Variants in PTK2 observed in about 807,000 individuals in gnomAD.
PTK2 encodes the protein protein tyrosine kinase 2.
Under a neutral mutation model 150.1 loss-of-function variants are expected in PTK2, and 45 were observed. That is an observed-to-expected ratio of 0.30 (90% CI 0.24 to 0.38). The LOEUF (loss-of-function observed/expected upper bound fraction) is 0.38, where lower values mean the gene tolerates loss of function less well. PTK2 is among the 10% of genes least tolerant of loss of function. The pLI, the probability that PTK2 is intolerant of heterozygous loss-of-function variation, is 1.00. For missense variants in PTK2, 919 were observed against 1,307.3 expected (o/e 0.70, Z 4.58); for synonymous variants, 432 against 449.2 (o/e 0.96, Z 0.48).
chr8:140,753,834 A>G (rs1165649717), intron 16 of PTK2, among the ~76,000 whole-genome samples: 4 of 152,188 alleles, frequency 2.6e-5, no homozygotes, highest in African/African-American at 9.7e-5. Flanking sequence ...AAAAATCCCC[A>G]TTAGTATAGC....
chr8:140,961,106 C>T (rs897967295), intron 1 of PTK2, among the ~76,000 whole-genome samples: 1 of 152,176 alleles, frequency 6.6e-6, no homozygotes, highest in African/African-American at 2.4e-5. Flanking sequence ...AATTCCAGTC[C>T]TAGTTCTATC....
intron 27 of PTK2, among the ~76,000 whole-genome samples, chr8:140,685,193 G>A (rs181721635): frequency 7.8e-4 from 119 of 152,220 alleles, no homozygotes; most frequent in African/African-American, 2.1e-3. Flanking sequence ...CTAGCCATAC[G>A]CCAAAGAATA....
chr8:140,875,802 G>A (rs2100145136), intron 4 of PTK2, among the ~76,000 whole-genome samples: 1 of 152,152 alleles, frequency 6.6e-6, no homozygotes, highest in African/African-American at 2.4e-5. Context: ...AATGCCCAAG[G>A]CAGGTGTAGG....
At chr8:140,935,413 A>G (rs1163172785) in intron 1 of PTK2, among the ~76,000 whole-genome samples, 1 of 152,178 alleles carries the variant, frequency 6.6e-6, no homozygotes, top group Non-Finnish European at 1.5e-5. Flanking sequence ...CTTAGAGAGC[A>G]TAAATAACAC....
rs181541035 is a variant in PTK2 at position 140,812,749 on chromosome 8, C to G, written c.867+5528G>C. On this transcript the variant is annotated intron_variant, in intron 10 of 31. Transcript: ENST00000522684. ...GTTACAATCTTAATTTCAGACAAAA[C>G]AGACTTTAAACCAACTCAGTTAAAA... 1.8e-3 allele frequency among the ~76,000 whole-genome samples: 274 copies of G among 152,084 alleles called. 1 individual carries two copies. Among genetic ancestry groups the G allele is most frequent in the African/African-American group, 6.1e-3 (254 of 41,520 alleles).
intron 17 of PTK2, among the ~76,000 whole-genome samples, chr8:140,751,072 C>T (rs1439342450): frequency 1.3e-5 from 2 of 151,752 alleles, no homozygotes; most frequent in Non-Finnish European, 2.9e-5. Flanking sequence ...GAGACAGACA[C>T]TGCCTCAAAA....
At chr8:140,778,096 G>GA (rs34639032) in intron 14 of PTK2, among the ~76,000 whole-genome samples, 4 of 151,948 alleles carry the variant, frequency 2.6e-5, no homozygotes, top group Middle Eastern at 3.4e-3. Flanking sequence ...TGCACGTTGG[G>GA]AAAAAAAACT....
At chr8:140,701,000 C>A (rs370847963) in exon 26 of PTK2, 1 of 1,613,970 alleles carries the variant, frequency 6.2e-7, no homozygotes, top group Non-Finnish European at 8.5e-7. Flanking sequence ...CCCAATCCCT[C>A]GCAGGTCCAA....
At chr8:140,866,902 T>C (rs1214515504) in intron 4 of PTK2, among the ~76,000 whole-genome samples, 1 of 152,212 alleles carries the variant, frequency 6.6e-6, no homozygotes, top group Non-Finnish European at 1.5e-5. Context: ...TAGTCAATGA[T>C]GGACACTCTG....
chr8:140,999,762 G>A (rs1027361559), intron 1 of PTK2, among the ~76,000 whole-genome samples: 2 of 152,038 alleles, frequency 1.3e-5, no homozygotes, highest in Non-Finnish European at 2.9e-5. Flanking sequence ...TAAGGTTGAG[G>A]CTCTGGTATT....
chr8:140,930,569 C>T (rs2154608518), intron 1 of PTK2, among the ~76,000 whole-genome samples: 1 of 152,182 alleles, frequency 6.6e-6, no homozygotes, highest in East Asian at 1.9e-4. Flanking sequence ...TATATTTTTA[C>T]TATTCTGTTT....
intron 1 of PTK2, among the ~76,000 whole-genome samples, chr8:140,942,179 T>C (rs2100176061): frequency 6.6e-6 from 1 of 152,186 alleles, no homozygotes; most frequent in South Asian, 2.1e-4. Flanking sequence ...GCACCTAGAC[T>C]TACTATGTAC....
chr8:140,862,208 A>AACAT lies in PTK2; in HGVS notation c.450+2103_450+2104insATGT. ...ATGCATTCTGGAAATCAATGTTACT[A>AACAT]AAGTACCCATGTATTTCCTCGGTGG... is the stretch of plus-strand genomic sequence containing the variant. On this transcript the variant is annotated intron_variant, in intron 5 of 31. Coordinates refer to ENST00000522684, the Ensembl canonical transcript of PTK2. 1.3e-5 allele frequency among the ~76,000 whole-genome samples: 2 copies of AACAT among 152,208 alleles called. 1 individual carries two copies. Among genetic ancestry groups the AACAT allele is most frequent in the South Asian group, 4.1e-4 (2 of 4,824 alleles).
intron 29 of PTK2, among the ~76,000 whole-genome samples, chr8:140,671,543 T>C (rs1289740314): frequency 6.6e-6 from 1 of 152,130 alleles, no homozygotes; most frequent in African/African-American, 2.4e-5. Context: ...AGAACAATAC[T>C]GTTCTTTTAG....
At chr8:140,810,805 C>G (rs2100101064) in intron 10 of PTK2, among the ~76,000 whole-genome samples, 1 of 152,200 alleles carries the variant, frequency 6.6e-6, no homozygotes, top group African/African-American at 2.4e-5. Flanking sequence ...AGAGTGAAAG[C>G]AGGCACAGAG....
chr8:140,931,847 T>G (rs1052999599), intron 1 of PTK2, among the ~76,000 whole-genome samples: 1 of 146,074 alleles, frequency 6.8e-6, no homozygotes, highest in Non-Finnish European at 1.5e-5. Flanking sequence ...GTGGGAGGGC[T>G]GTTTGAGCCC....
At chr8:140,663,729 G>A (rs775756055) in intron 31 of PTK2, among the ~76,000 whole-genome samples, 1 of 152,020 alleles carries the variant, frequency 6.6e-6, no homozygotes, top group Non-Finnish European at 1.5e-5. Flanking sequence ...GATGGAGTAT[G>A]GTGGCTTGAT....
intron 2 of PTK2, among the ~76,000 whole-genome samples, chr8:140,904,011 G>T (rs568495331): frequency 1.3e-5 from 2 of 152,144 alleles, no homozygotes; most frequent in South Asian, 4.2e-4. Flanking sequence ...TAGCCTGACT[G>T]CCCTGGCCAG....
At chr8:140,769,357 A>G (rs2100074266) in intron 14 of PTK2, among the ~76,000 whole-genome samples, 1 of 152,234 alleles carries the variant, frequency 6.6e-6, no homozygotes, top group Admixed American at 6.5e-5. Flanking sequence ...CTAGGAATAC[A>G]TACAACTCAA....
Sources: gnomAD v4.1 joint callset for allele counts (sites outside exome capture counted in the v4.1 genomes callset) on GRCh38, gnomAD v4.1.1 for gene constraint, MANE v1.5 for transcripts, NCBI Gene and HGNC (gene_info 2026-07-23, HGNC 2026-07-21) for gene names.